The following NHS variants were observed in gnomAD, a reference collection of about 807,000 sequenced individuals.
NHS encodes the protein NHS actin remodeling regulator.
Under a neutral mutation model 72.5 loss-of-function variants are expected in NHS, and 5 were observed. That is an observed-to-expected ratio of 0.07 (90% CI 0.04 to 0.14). The LOEUF is 0.14. NHS is among the 10% of genes least tolerant of loss of function. The pLI, the probability that NHS is intolerant of heterozygous loss-of-function variation, is 1.00. For missense variants in NHS, 1,072 were observed against 1,355.7 expected (o/e 0.79, Z 3.29); for synonymous variants, 464 against 547.7 (o/e 0.85, Z 2.13).
chrX:17,708,871 T>C (rs181698420), intron 3 of NHS, among the ~76,000 whole-genome samples: 23 of 111,665 alleles, frequency 2.1e-4, no homozygotes, highest in African/African-American at 7.2e-4. Context: ...AATGCCAGAC[T>C]AGAAAGTTTG....
At chrX:17,689,627 T>C (rs1193827957) in intron 2 of NHS, among the ~76,000 whole-genome samples, 1 of 111,954 alleles carries the variant, frequency 8.9e-6, no homozygotes. Flanking sequence ...ATCTTATTAA[T>C]TTATTTTATT....
intron 1 of NHS, among the ~76,000 whole-genome samples, chrX:17,575,750 T>C (rs920511264): frequency 4.4e-5 from 5 of 112,401 alleles, no homozygotes; most frequent in African/African-American, 6.5e-5. Flanking sequence ...ATGGTAGGTG[T>C]GCAATCAATA....
intron 1 of NHS, among the ~76,000 whole-genome samples, chrX:17,541,659 C>A (rs1175343990): frequency 9.0e-6 from 1 of 111,100 alleles, no homozygotes; most frequent in Non-Finnish European, 1.9e-5. Context: ...GGTCTTTCCC[C>A]CACTTCAGCT....
At chrX:17,708,031 AGTATTCT>A (rs1354115530) in intron 3 of NHS, among the ~76,000 whole-genome samples, 1 of 112,056 alleles carries the variant, frequency 8.9e-6, no homozygotes, top group Non-Finnish European at 1.9e-5. Flanking sequence ...CTCTCTCAGA[AGTATTCT>A]GTTGTTTTAT....
intron 1 of NHS, among the ~76,000 whole-genome samples, chrX:17,567,110 G>A (rs1412289957): frequency 8.9e-6 from 1 of 111,873 alleles, no homozygotes; most frequent in Admixed American, 9.5e-5. Flanking sequence ...TGGCCTCTAG[G>A]GTGAAGCTCA....
At chrX:17,457,855 C>G (rs2064831389) in intron 1 of NHS, among the ~76,000 whole-genome samples, 1 of 111,928 alleles carries the variant, frequency 8.9e-6, no homozygotes, top group African/African-American at 3.3e-5. Context: ...AGGCCTGACA[C>G]AGTCCTTGTG....
At chrX:17,709,697 C>G (rs945998303) in intron 3 of NHS, among the ~76,000 whole-genome samples, 1 of 111,478 alleles carries the variant, frequency 9.0e-6, no homozygotes, top group African/African-American at 3.3e-5. Flanking sequence ...ATTGGAGCAG[C>G]CTGCGGTACT....
At chrX:17,652,056 A>ACCAT (rs1352641822) in intron 1 of NHS, among the ~76,000 whole-genome samples, 3 of 112,524 alleles carry the variant, frequency 2.7e-5, no homozygotes, top group Non-Finnish European at 5.6e-5. Flanking sequence ...CTATATATGC[A>ACCAT]CCATCCATGG....
At chrX:17,397,664 G>T (rs1408057971) in intron 1 of NHS, among the ~76,000 whole-genome samples, 1 of 112,332 alleles carries the variant, frequency 8.9e-6, no homozygotes, top group Non-Finnish European at 1.9e-5. Flanking sequence ...AGAAGGCTAA[G>T]TTCATCCTAC....
chrX:17,474,405 G>A (rs889843503), intron 1 of NHS, among the ~76,000 whole-genome samples: 5 of 111,890 alleles, frequency 4.5e-5, no homozygotes, highest in Non-Finnish European at 3.8e-5. Flanking sequence ...TTAGGACAAC[G>A]TGCTTCCTTC....
intron 1 of NHS, among the ~76,000 whole-genome samples, chrX:17,543,117 C>A (rs2034658761): frequency 9.0e-6 from 1 of 111,436 alleles, no homozygotes; most frequent in African/African-American, 3.3e-5. Flanking sequence ...AGCCCTGCCC[C>A]CAGAGATTCT....
intron 1 of NHS, among the ~76,000 whole-genome samples, chrX:17,642,323 A>G (rs1273871957): frequency 1.8e-5 from 2 of 112,304 alleles, no homozygotes; most frequent in African/African-American, 6.5e-5. Flanking sequence ...GGCATAATTA[A>G]AATAGTGCAC....
chrX:17,522,468 T>C, intron 1 of NHS, among the ~76,000 whole-genome samples: 1 of 82,255 alleles, frequency 1.2e-5, no homozygotes, highest in South Asian at 8.4e-4. Context: ...CTCTGACACA[T>C]TTGCTCAAAT....
intron 1 of NHS, among the ~76,000 whole-genome samples, chrX:17,463,727 T>A (rs1334223309): frequency 1.8e-5 from 2 of 111,988 alleles, no homozygotes; most frequent in Non-Finnish European, 3.8e-5. Context: ...TAAATGTACT[T>A]AATATGTATA....
chrX:17,587,213 A>G (rs1224190980), intron 1 of NHS: 1 of 112,529 alleles, frequency 8.9e-6, no homozygotes, highest in African/African-American at 3.2e-5. Context: ...TAACTGTCCA[A>G]TTAGTTGGAA....
At chrX:17,441,985 T>C (rs1041536759) in intron 1 of NHS, among the ~76,000 whole-genome samples, 1 of 111,743 alleles carries the variant, frequency 8.9e-6, no homozygotes, top group Non-Finnish European at 1.9e-5. Flanking sequence ...TCACCACCCC[T>C]GTCCCCAAGT....
intron 2 of NHS, among the ~76,000 whole-genome samples, chrX:17,689,700 C>T (rs1345751418): frequency 8.9e-6 from 1 of 112,213 alleles, no homozygotes; most frequent in Admixed American, 9.4e-5. Flanking sequence ...GGAACTGAAT[C>T]AAGTTTTGCA....
chrX:17,402,336 C>T (rs1440689145), intron 1 of NHS, among the ~76,000 whole-genome samples: 1 of 111,789 alleles, frequency 8.9e-6, no homozygotes, highest in Non-Finnish European at 1.9e-5. Flanking sequence ...AAAACATATT[C>T]TCACACAAAA....
intron 1 of NHS, chrX:17,586,891 G>A: frequency 8.9e-6 from 1 of 111,809 alleles, no homozygotes; most frequent in Non-Finnish European, 1.9e-5. Flanking sequence ...AGATTGACAG[G>A]GCAGGAAATG....
Sources: allele counts gnomAD v4.1 joint callset (sites outside exome capture counted in the v4.1 genomes callset), GRCh38; gene constraint gnomAD v4.1.1; transcripts MANE v1.5; gene names NCBI Gene and HGNC (gene_info 2026-07-23, HGNC 2026-07-21).